SRD5A1: variants seen among roughly 807,000 people sequenced by gnomAD.
SRD5A1 encodes steroid 5 alpha-reductase 1, also known as 3-oxo-5-alpha-steroid 4-dehydrogenase 1.
SRD5A1 carries 22 observed loss-of-function variants against 28.2 expected under a neutral mutation model. That is an observed-to-expected ratio of 0.78 (90% CI 0.56 to 1.12). The LOEUF (loss-of-function observed/expected upper bound fraction) is 1.12, where lower values mean the gene tolerates loss of function less well. Ranked by LOEUF, SRD5A1 falls within the 50% of genes most tolerant of loss-of-function variation. SRD5A1 has a pLI of 0.00. For synonymous variants in SRD5A1, 151 were observed against 135.0 expected (o/e 1.12, Z -0.82); for missense variants, 300 against 346.7 (o/e 0.87, Z 1.07).
intron 1 of SRD5A1, among the ~76,000 whole-genome samples, chr5:6,635,052 G>A (rs534167089): frequency 6.6e-6 from 1 of 152,344 alleles, no homozygotes; most frequent in South Asian, 2.1e-4. Context: ...AACTCAGTGT[G>A]TGTTTATAAG....
intron 1 of SRD5A1, among the ~76,000 whole-genome samples, chr5:6,645,635 A>G (rs1353391623): frequency 8.1e-6 from 1 of 124,180 alleles, no homozygotes; most frequent in African/African-American, 3.3e-5. Context: ...GCGAAACTCC[A>G]TCTCAAAAAA....
At chr5:6,661,575 C>T (rs1739003765) in intron 3 of SRD5A1, among the ~76,000 whole-genome samples, 1 of 149,456 alleles carries the variant, frequency 6.7e-6, no homozygotes, top group South Asian at 2.1e-4. Context: ...GTCTGTCACC[C>T]AGGCTGGAGT....
chr5:6,662,836 A>G lies in SRD5A1; in HGVS notation c.583A>G (p.Thr195Ala). The stretch of plus-strand genomic sequence containing the variant: ...TCTAGGAGGCTTATTTGAATACGTA[A>G]CTGCAGCCAACTATTTTGGAGAAAT... ...IPRGGLFEYVTAANYFGEIME... is the reference protein window; with the variant it reads ...IPRGGLFEYVAAANYFGEIME... The change falls in exon 4 of 5, where the codon ACT (threonine) becomes GCT (alanine). Residue 195 changes from threonine (T) to alanine (A), a missense_variant. Transcript: ENST00000274192. 6.2e-7 allele frequency: 1 copy of G among 1,612,500 alleles called. No homozygotes were observed. The highest frequency in any genetic ancestry group is 8.5e-7 in the Non-Finnish European group (1 of 1,179,996).
chr5:6,666,437 C>T (rs559137456), intron 4 of SRD5A1, among the ~76,000 whole-genome samples: 20 of 152,276 alleles, frequency 1.3e-4, no homozygotes, highest in Non-Finnish European at 2.6e-4. Flanking sequence ...CGTCAGCCAC[C>T]GCGCCTGACT....
At chr5:6,663,367 C>T (rs1296443796) in intron 4 of SRD5A1, among the ~76,000 whole-genome samples, 1 of 152,220 alleles carries the variant, frequency 6.6e-6, no homozygotes, top group Non-Finnish European at 1.5e-5. Flanking sequence ...CAGAGCCCAG[C>T]GACACTGGCA....
rs1423314433 is a variant in SRD5A1, at chr5:6,633,707, C to G, written c.131C>G (p.Pro44Arg). The G allele has an allele frequency of 6.3e-7, 1 of 1,592,678 alleles. No homozygotes were observed. Among genetic ancestry groups the G allele is most frequent in the African/African-American group, 1.3e-5 (1 of 74,746 alleles). ...TNSVYGRHALPSHRLRVPARA... is the reference protein window; with the variant it reads ...TNSVYGRHALRSHRLRVPARA... ...TCAGTGTACGGCCGCCACGCGCTGC[C>G]CAGCCACAGGCTCCGAGTGCCGGCG... is the stretch of plus-strand genomic sequence containing the variant. The change falls in exon 1 of 5, where the codon CCC (proline) becomes CGC (arginine). Residue 44 changes from proline to arginine, a missense_variant. By Grantham distance (103) the Pro-to-Arg change is moderately radical. Transcript: ENST00000274192.
intron 1 of SRD5A1, among the ~76,000 whole-genome samples, chr5:6,642,355 T>A (rs1218260535): frequency 1.3e-5 from 2 of 152,240 alleles, no homozygotes; most frequent in African/African-American, 4.8e-5. Context: ...GATTCTTCTC[T>A]TGATCTTTGC....
chr5:6,664,379 A>G (rs1561005459), intron 4 of SRD5A1, among the ~76,000 whole-genome samples: 1 of 152,118 alleles, frequency 6.6e-6, no homozygotes, highest in African/African-American at 2.4e-5. Flanking sequence ...GATAAGAAGA[A>G]GAAAGGTCAT....
chr5:6,645,788 T>A (rs961266599), intron 1 of SRD5A1, among the ~76,000 whole-genome samples: 15 of 152,212 alleles, frequency 9.9e-5, no homozygotes, highest in African/African-American at 3.6e-4. Flanking sequence ...CCTGACTCTA[T>A]TTTTGCCTTG....
intron 4 of SRD5A1, among the ~76,000 whole-genome samples, chr5:6,663,301 A>T (rs531721089): frequency 6.6e-6 from 1 of 152,358 alleles, no homozygotes; most frequent in East Asian, 1.9e-4. Flanking sequence ...GCAATAGCCA[A>T]TGGCCAGCTT....
At chr5:6,650,563 T>A (rs977458305) in intron 1 of SRD5A1, among the ~76,000 whole-genome samples, 2 of 152,184 alleles carry the variant, frequency 1.3e-5, no homozygotes, top group Non-Finnish European at 2.9e-5. Context: ...TTCTAATTTC[T>A]TGTCCTTTTA....
In SRD5A1 at chr5:6,633,550, C is replaced by T. The variant is rs1331582210; in HGVS notation, c.-27C>T. ...ATGTTGCCCGCCGCGGCCTCTGGGG[C>T]ATGGAGCACGCTGCCCAGCCCTGGC... On this transcript the variant is annotated 5_prime_UTR_variant, in exon 1 of 5. Transcript: ENST00000274192. The T allele has an allele frequency of 1.4e-6, 2 of 1,477,824 alleles. No homozygotes were observed. The highest frequency in any genetic ancestry group is 2.4e-5 in the Admixed American group (1 of 42,544). The allele number at this position is 1,477,824 out of a possible 1,614,324, so 91.5% of individuals were successfully genotyped here. A position where few individuals can be genotyped will look rare whatever the true frequency, so the allele number is the denominator to read the frequency against.
At position 6,669,280 on chromosome 5, in the gene SRD5A1, C is replaced by T. The variant is rs1454015740; in HGVS notation, c.*1012C>T. 1 of 152,160 alleles carries T rather than the reference C, an allele frequency of 6.6e-6. No individual in the cohort carries two copies. The highest frequency in any genetic ancestry group is 1.5e-5 in the Non-Finnish European group (1 of 68,014). 9.4% of individuals were successfully genotyped at this position (152,160 alleles called of 1,614,324 possible). On this transcript the variant is annotated 3_prime_UTR_variant, in exon 5 of 5. Transcript: ENST00000274192. Reference sequence around the variant, plus strand: ...TAAAATTCTCTACAGCCTTCTTTTTCTTCCATAGCTAATCTTCCTTCTAAT... The same window carrying T: ...TAAAATTCTCTACAGCCTTCTTTTTTTTCCATAGCTAATCTTCCTTCTAAT...
Position 6,672,664 on chromosome 5 carries a change from C to G in SRD5A1, c.*4396C>G, listed in dbSNP as rs1739396686. ...CTACCCAACACAGCTGTAAACTTCT[C>G]AAGGTGAGGAGTGAGCCATCACTCT... is the stretch of plus-strand genomic sequence containing the variant. On this transcript the variant is annotated 3_prime_UTR_variant, in exon 5 of 5. Transcript: ENST00000274192. 1 of 152,202 alleles carries G rather than the reference C, an allele frequency of 6.6e-6. No individual in the cohort carries two copies. Among genetic ancestry groups the G allele is most frequent in the South Asian group, 2.1e-4 (1 of 4,836 alleles). The allele number at this position is 152,202 out of a possible 1,614,324, so 9.4% of individuals were successfully genotyped here.
At position 6,668,280 on chromosome 5, in the gene SRD5A1, A is replaced by C; in HGVS notation, c.*12A>C. 6.7e-7 allele frequency: 1 copy of C among 1,500,436 alleles called. No homozygotes were observed. The highest frequency in any genetic ancestry group is 1.2e-5 in the South Asian group (1 of 83,416). 92.9% of individuals were successfully genotyped at this position (1,500,436 alleles called of 1,614,324 possible). On this transcript the variant is annotated 3_prime_UTR_variant, in exon 5 of 5. Transcript: ENST00000274192. Reference sequence around the variant, plus strand: ...CATTTTTGTTTTAAGTGCGTTTTTCATGAAATTATCTTCAACTTGAAGCTT... The same window carrying C: ...CATTTTTGTTTTAAGTGCGTTTTTCCTGAAATTATCTTCAACTTGAAGCTT...
At position 6,672,949 on chromosome 5, in the gene SRD5A1, T is replaced by A. The variant is rs145719181; in HGVS notation, c.*4681T>A. On this transcript the variant is annotated 3_prime_UTR_variant, in exon 5 of 5. Transcript: ENST00000274192. ...TAGAAATATCTCAAATTAATTAGCG[T>A]CTAGCTCTTTGTAAGGTAATTGACA... The A allele has an allele frequency of 6.6e-6, 1 of 152,334 alleles. No homozygotes were observed. Among genetic ancestry groups the A allele is most frequent in the Non-Finnish European group, 1.5e-5 (1 of 68,040 alleles). The allele number at this position is 152,334 out of a possible 1,614,324, so 9.4% of individuals were successfully genotyped here.
In SRD5A1 at chr5:6,633,810, T is replaced by G; in HGVS notation, c.234T>G (p.Arg78=). The G allele has an allele frequency of 6.3e-7, 1 of 1,597,848 alleles. No homozygotes were observed. Among genetic ancestry groups the G allele is most frequent in the Non-Finnish European group, 8.5e-7 (1 of 1,179,650 alleles). The change falls in exon 1 of 5, where the codon CGT becomes CGG. Residue 78 remains arginine (R), a synonymous_variant. Coordinates refer to ENST00000274192, the MANE Select transcript of SRD5A1 (RefSeq NM_001047.4). ...LYQYASESAP[R]LRSAPNCILL... ...AGTACGCCAGCGAGTCCGCCCCGCGTCTCCGCAGCGCGCCCAACTGCATCC... is the reference window on the plus strand; with the variant it reads ...AGTACGCCAGCGAGTCCGCCCCGCGGCTCCGCAGCGCGCCCAACTGCATCC...
Position 6,668,932 on chromosome 5 carries a change from G to T in SRD5A1, c.*664G>T, listed in dbSNP as rs1739277979. The T allele has an allele frequency of 6.6e-6, 1 of 152,346 alleles. No homozygotes were observed. Among genetic ancestry groups the T allele is most frequent in the African/African-American group, 2.4e-5 (1 of 41,446 alleles). 9.4% of individuals were successfully genotyped at this position (152,346 alleles called of 1,614,324 possible). A position where few individuals can be genotyped will look rare whatever the true frequency, so the allele number is the denominator to read the frequency against. On this transcript the variant is annotated 3_prime_UTR_variant, in exon 5 of 5. Coordinates refer to ENST00000274192, the MANE Select transcript of SRD5A1 (RefSeq NM_001047.4). ...CGGGCAGGGAGGGGTGCTGGTGGTG[G>T]TTCATACGGAGTAAGCTGCTCTGCC...
Position 6,652,018 on chromosome 5 carries a change from C to T in SRD5A1, c.460+10C>T, listed in dbSNP as rs1738692677. On this transcript the variant is annotated intron_variant, in intron 2 of 4. Coordinates refer to ENST00000274192, the MANE Select transcript of SRD5A1 (RefSeq NM_001047.4). The stretch of plus-strand genomic sequence containing the variant: ...CCCCGTTTTCTAATAGGTGAGTGTC[C>T]ACAGCAGTGAACTCCGCCTTGTTCA... 2 of 1,610,262 alleles carry T rather than the reference C, an allele frequency of 1.2e-6. No individual in the cohort carries two copies. The highest frequency in any genetic ancestry group is 1.3e-5 in the African/African-American group (1 of 74,834).
Sources: gnomAD v4.1 joint callset for allele counts (sites outside exome capture counted in the v4.1 genomes callset) on GRCh38, gnomAD v4.1.1 for gene constraint, MANE v1.5 for transcripts, NCBI Gene and HGNC (gene_info 2026-07-23, HGNC 2026-07-21) for gene names.